SPART: variants seen among roughly 807,000 people sequenced by gnomAD.
The protein encoded by SPART is spartin.
SPART carries 35 observed loss-of-function variants against 58.7 expected under a neutral mutation model. The observed-to-expected ratio is 0.60, with a 90% CI of 0.46 to 0.79. SPART has a LOEUF of 0.79. Among genes scored for constraint, SPART ranks in the 30% least tolerant of loss-of-function variants. The pLI, the probability that SPART is intolerant of heterozygous loss-of-function variation, is 0.00. For synonymous variants in SPART, 284 were observed against 280.7 expected (o/e 1.01, Z -0.12); for missense variants, 730 against 786.1 (o/e 0.93, Z 0.85).
chr13:36,312,715 C>T, intron 6 of SPART: 1 of 560,922 alleles, frequency 1.8e-6, no homozygotes, highest in Non-Finnish European at 3.1e-6. Context: ...GTAGCTGGGA[C>T]TACAGGCATG....
Position 36,329,501 on chromosome 13 carries a change from GCT to G in SPART, c.1023_1024del (p.Arg341SerfsTer6). On this transcript the variant is annotated frameshift_variant, in exon 4 of 9. Transcript: ENST00000438666. LOFTEE classifies it high-confidence loss of function. ...GATTTGGAATTCATTTTCTTCTTCT[GCT>G]CTGTTCCAGTTGGCCTAGAGAATAA... 1 of 1,614,070 alleles carries G rather than the reference GCT, an allele frequency of 6.2e-7. No homozygotes were observed. The highest frequency in any genetic ancestry group is 1.1e-5 in the South Asian group (1 of 91,070).
At chr13:36,320,169 A>G (rs570842291) in intron 5 of SPART, among the ~76,000 whole-genome samples, 4 of 152,102 alleles carry the variant, frequency 2.6e-5, no homozygotes, top group Admixed American at 2.0e-4. Context: ...TACAGTTCTC[A>G]TAACTTCCAA....
intron 1 of SPART, among the ~76,000 whole-genome samples, chr13:36,360,937 A>G (rs759001323): frequency 6.6e-6 from 1 of 152,182 alleles, no homozygotes; most frequent in African/African-American, 2.4e-5. Flanking sequence ...TTCTGTAATA[A>G]CTTGGAAATC....
intron 6 of SPART, chr13:36,313,855 A>G: frequency 3.6e-6 from 1 of 276,902 alleles, no homozygotes; most frequent in Middle Eastern, 1.3e-3. Flanking sequence ...GTTAAACAAT[A>G]CATGACTTTA....
chr13:36,315,760 G>A (rs2137350249), intron 5 of SPART, among the ~76,000 whole-genome samples: 1 of 152,194 alleles, frequency 6.6e-6, no homozygotes, highest in South Asian at 2.1e-4. Context: ...AAAGTTTTAA[G>A]AAGAAACCAG....
At chr13:36,368,127 A>G (rs1037034968) in intron 1 of SPART, 15 of 441,242 alleles carry the variant, frequency 3.4e-5, no homozygotes, top group Non-Finnish European at 7.0e-5. Flanking sequence ...TCAAGGAAAG[A>G]GTCGGGCATA....
At chr13:36,354,875 TA>T (rs1885561971) in intron 1 of SPART, among the ~76,000 whole-genome samples, 1 of 152,134 alleles carries the variant, frequency 6.6e-6, no homozygotes, top group Non-Finnish European at 1.5e-5. Context: ...CACAAGAAAA[TA>T]AATTTCAGTT....
chr13:36,339,210 C>T (rs553331942), intron 1 of SPART, among the ~76,000 whole-genome samples: 1 of 151,492 alleles, frequency 6.6e-6, no homozygotes, highest in East Asian at 1.9e-4. Context: ...AAAGGAACTC[C>T]GGGAAATTAA....
chr13:36,363,787 T>C (rs2137727675), intron 1 of SPART, among the ~76,000 whole-genome samples: 1 of 152,256 alleles, frequency 6.6e-6, no homozygotes, highest in East Asian at 1.9e-4. Flanking sequence ...TGTTTTTTGT[T>C]TTTGTTTTTA....
At chr13:36,346,939 A>G (rs983087453), upstream of SPART, 2 of 152,286 alleles carry the variant, frequency 1.3e-5, no homozygotes, top group East Asian at 3.9e-4. Flanking sequence ...TATCCAGAGC[A>G]CAGTTAATTT....
intron 3 of SPART, among the ~76,000 whole-genome samples, chr13:36,329,863 G>A (rs1925836): frequency 0.25 from 37,268 of 152,108 alleles, 4,950 homozygotes; most frequent in East Asian, 0.51. Context: ...ACAAGAGAAA[G>A]TGAATTTAAA....
intron 3 of SPART, among the ~76,000 whole-genome samples, chr13:36,330,365 T>C (rs1294935484): frequency 1.3e-5 from 2 of 152,098 alleles, no homozygotes; most frequent in Non-Finnish European, 2.9e-5. Flanking sequence ...TATGCTAAAG[T>C]ATTGGTTTGT....
chr13:36,309,044 A>C (rs1880805587), intron 8 of SPART, among the ~76,000 whole-genome samples: 1 of 152,132 alleles, frequency 6.6e-6, no homozygotes, highest in African/African-American at 2.4e-5. Context: ...GGTGATCAAG[A>C]CCATCCTGGC....
upstream of SPART, chr13:36,346,514 A>ACC (rs1289126208): frequency 6.6e-6 from 1 of 152,420 alleles, no homozygotes; most frequent in Admixed American, 6.5e-5. Context: ...TCACGTGAGT[A>ACC]CCCACGCGCG....
At chr13:36,325,043 G>A (rs1374298609) in intron 5 of SPART, among the ~76,000 whole-genome samples, 2 of 152,198 alleles carry the variant, frequency 1.3e-5, no homozygotes, top group East Asian at 3.9e-4. Flanking sequence ...CACTTCTTTT[G>A]TGATTCTTCA....
rs1566131116 is a variant in SPART at position 36,335,032 on chromosome 13, CG to C, written c.798del (p.Leu269PhefsTer10). 5 of 1,613,762 alleles carry C rather than the reference CG, an allele frequency of 3.1e-6. No individual in the cohort carries two copies. The highest frequency in any genetic ancestry group is 4.2e-6 in the Non-Finnish European group (5 of 1,179,832). On this transcript the variant is annotated frameshift_variant, in exon 2 of 9. Coordinates refer to ENST00000438666, the MANE Select transcript of SPART (RefSeq NM_015087.5). LOFTEE classifies it high-confidence loss of function. ...TTTCTTTCGCTTACCTGAAGAAACCCGGGAGGACGGTTTAGAACCGTATCGA... is the reference window on the plus strand; with the variant it reads ...TTTCTTTCGCTTACCTGAAGAAACCCGGAGGACGGTTTAGAACCGTATCGA... ...NSLDTVLNRPPGFLQVCDWLY... is the reference protein window; with the variant it reads ...NSLDTVLNRPXGFLQVCDWLY...
intron 1 of SPART, among the ~76,000 whole-genome samples, chr13:36,361,145 T>C (rs1004431938): frequency 4.6e-5 from 7 of 152,204 alleles, no homozygotes; most frequent in African/African-American, 1.7e-4. Flanking sequence ...CAAACCAACT[T>C]ATATACATGT....
intron 8 of SPART, 100 bp from the exon 9 acceptor site, chr13:36,304,732 C>A: frequency 7.8e-7 from 1 of 1,285,498 alleles, no homozygotes; most frequent in Non-Finnish European, 1.1e-6. Context: ...TGTGTTACCC[C>A]TGAAAGCAAA....
intron 1 of SPART, among the ~76,000 whole-genome samples, chr13:36,353,209 G>A (rs1223596694): frequency 6.6e-6 from 1 of 152,136 alleles, no homozygotes; most frequent in Non-Finnish European, 1.5e-5. Flanking sequence ...TGTTTACATG[G>A]TACAGAGCAA....
Sources: allele counts gnomAD v4.1 joint callset (sites outside exome capture counted in the v4.1 genomes callset), GRCh38; gene constraint gnomAD v4.1.1; transcripts MANE v1.5; gene names NCBI Gene and HGNC (gene_info 2026-07-23, HGNC 2026-07-21).